Variants in SPAG16 observed in about 807,000 individuals in gnomAD.
The protein encoded by SPAG16 is sperm-associated antigen 16 protein.
A neutral mutation model predicts 80.4 loss-of-function variants in SPAG16; 86 were observed. The ratio of observed to expected loss-of-function variants is 1.07; its 90% CI spans 0.90 to 1.28. The LOEUF is 1.28. Ranked by LOEUF, SPAG16 falls within the 50% of genes most tolerant of loss-of-function variation. The pLI is 0.00. For synonymous variants in SPAG16, 294 were observed against 265.9 expected (o/e 1.11, Z -1.03); for missense variants, 870 against 765.3 (o/e 1.14, Z -1.61).
At chr2:214,383,158 A>G (rs528025989) in intron 15 of SPAG16, among the ~76,000 whole-genome samples, 1 of 152,348 alleles carries the variant, frequency 6.6e-6, no homozygotes, top group South Asian at 2.1e-4. Context: ...TGTTAAGATT[A>G]TCACAAATAA....
intron 12 of SPAG16, among the ~76,000 whole-genome samples, chr2:213,937,365 AG>A (rs929376981): frequency 1.1e-4 from 16 of 152,042 alleles, no homozygotes; most frequent in Admixed American, 9.2e-4. Context: ...TATACTTGAA[AG>A]GGCACCCAAG....
chr2:213,971,669 G>A (rs994352963), intron 12 of SPAG16, among the ~76,000 whole-genome samples: 2 of 152,088 alleles, frequency 1.3e-5, no homozygotes, highest in African/African-American at 4.8e-5. Flanking sequence ...ATATGATCCA[G>A]CAACTCTGCT....
At chr2:214,288,752 C>CTTTATTTATTTAT (rs1553546069) in intron 15 of SPAG16, among the ~76,000 whole-genome samples, 1 of 141,468 alleles carries the variant, frequency 7.1e-6, no homozygotes, top group Admixed American at 7.1e-5. Context: ...CCTTTGCCCA[C>CTTTATTTATTTAT]TTATTTATTT....
intron 11 of SPAG16, among the ~76,000 whole-genome samples, chr2:213,918,971 T>G (rs2078091024): frequency 1.3e-5 from 2 of 152,194 alleles, no homozygotes; most frequent in South Asian, 4.1e-4. Context: ...GTGGGTTCAG[T>G]GGTAATGTCA....
chr2:213,687,981 A>G (rs2064765332), intron 10 of SPAG16, among the ~76,000 whole-genome samples: 1 of 152,202 alleles, frequency 6.6e-6, no homozygotes, highest in South Asian at 2.1e-4. Context: ...AACTGAGGAC[A>G]TGTGCCTAAG....
At chr2:214,108,596 G>A (rs921784326) in intron 14 of SPAG16, among the ~76,000 whole-genome samples, 2 of 151,598 alleles carry the variant, frequency 1.3e-5, no homozygotes, top group African/African-American at 4.9e-5. Context: ...AAAATAGGTG[G>A]GCTATAGACT....
intron 11 of SPAG16, among the ~76,000 whole-genome samples, chr2:213,928,937 AC>A (rs2078623433): frequency 2.2e-5 from 3 of 134,442 alleles, no homozygotes; most frequent in Non-Finnish European, 3.3e-5. Flanking sequence ...ACACACACAC[AC>A]ACACAAAACC....
intron 3 of SPAG16, among the ~76,000 whole-genome samples, chr2:213,301,499 C>A (rs926844035): frequency 6.6e-6 from 1 of 152,126 alleles, no homozygotes; most frequent in Non-Finnish European, 1.5e-5. Flanking sequence ...TTTAGCACTT[C>A]TTTGCAATTC....
chr2:213,525,068 C>T (rs1375022344), intron 10 of SPAG16, among the ~76,000 whole-genome samples: 1 of 152,044 alleles, frequency 6.6e-6, no homozygotes, highest in Non-Finnish European at 1.5e-5. Context: ...ATCATGAGAG[C>T]AGCTACCTCC....
At chr2:213,538,652 CTATCT>C (rs913032110) in intron 10 of SPAG16, among the ~76,000 whole-genome samples, 12 of 152,016 alleles carry the variant, frequency 7.9e-5, no homozygotes, top group African/African-American at 2.7e-4. Context: ...TATTTTCTCC[CTATCT>C]TATCTTTTTT....
At chr2:214,355,616 G>T (rs1233069162) in intron 15 of SPAG16, among the ~76,000 whole-genome samples, 6 of 146,736 alleles carry the variant, frequency 4.1e-5, no homozygotes, top group Non-Finnish European at 7.6e-5. Context: ...TCAGTGTGGC[G>T]ATTCCTCAGG....
intron 14 of SPAG16, among the ~76,000 whole-genome samples, chr2:214,123,692 G>C (rs1370179685): frequency 6.6e-6 from 1 of 151,988 alleles, no homozygotes; most frequent in Non-Finnish European, 1.5e-5. Context: ...ACAGCAATAA[G>C]GTGAGAGTTG....
At chr2:214,205,392 C>T (rs1167743576) in intron 15 of SPAG16, among the ~76,000 whole-genome samples, 1 of 152,032 alleles carries the variant, frequency 6.6e-6, no homozygotes, top group Non-Finnish European at 1.5e-5. Context: ...CTTTTGATGC[C>T]TTGTTGTTTT....
intron 9 of SPAG16, among the ~76,000 whole-genome samples, chr2:213,451,211 G>A (rs2071667941): frequency 6.6e-6 from 1 of 152,040 alleles, no homozygotes; most frequent in Non-Finnish European, 1.5e-5. Flanking sequence ...GGATAGTAAA[G>A]GGGCATTTCA....
At chr2:213,733,977 G>C (rs1269750214) in intron 10 of SPAG16, among the ~76,000 whole-genome samples, 1 of 152,042 alleles carries the variant, frequency 6.6e-6, no homozygotes, top group Non-Finnish European at 1.5e-5. Context: ...AGAAAGAAAG[G>C]AGTCCGTTAC....
chr2:213,653,833 A>G lies in SPAG16; in HGVS notation c.1070+163743A>G, dbSNP rs1295840113. 5.3e-5 allele frequency among the ~76,000 whole-genome samples: 8 copies of G among 152,270 alleles called. No individual in the cohort carries two copies. In the East Asian group the frequency reaches 5.8e-4, roughly 11 times the overall value. On this transcript the variant is annotated intron_variant, in intron 10 of 15. Coordinates refer to ENST00000331683, the MANE Select transcript of SPAG16 (RefSeq NM_024532.5). ...TGCTTTGTATTATTTTACTTGATAT[A>G]TTCTATATATAAAACATACAGTTCA...
intron 1 of SPAG16, among the ~76,000 whole-genome samples, chr2:213,291,950 G>A (rs190172118): frequency 2.6e-5 from 4 of 152,142 alleles, no homozygotes; most frequent in African/African-American, 9.7e-5. Context: ...TGGTAGTTAT[G>A]TACTCTCTTA....
In SPAG16 at chr2:213,814,744, C is replaced by G. The variant is rs555437258; in HGVS notation, c.1071-47741C>G. On this transcript the variant is annotated intron_variant, in intron 10 of 15. Coordinates refer to ENST00000331683, the MANE Select transcript of SPAG16 (RefSeq NM_024532.5). Reference sequence around the variant, plus strand: ...GGCGGAGGTTGCAGTGAGCCGAGATCGCACCACTGCACTCCAGCCTGGTGA... The same window carrying G: ...GGCGGAGGTTGCAGTGAGCCGAGATGGCACCACTGCACTCCAGCCTGGTGA... Among the ~76,000 whole-genome samples, 14 of 152,050 alleles carry G rather than the reference C, an allele frequency of 9.2e-5. No individual in the cohort carries two copies. The South Asian group carries it at 2.9e-3, about 32-fold the overall frequency.
At chr2:213,410,421 C>T (rs796385817) in intron 9 of SPAG16, among the ~76,000 whole-genome samples, 1 of 152,120 alleles carries the variant, frequency 6.6e-6, no homozygotes, top group Non-Finnish European at 1.5e-5. Flanking sequence ...TAAATTGGGA[C>T]CATTTAATCC....
Sources: gnomAD v4.1 joint callset for allele counts (sites outside exome capture counted in the v4.1 genomes callset) on GRCh38, gnomAD v4.1.1 for gene constraint, MANE v1.5 for transcripts, NCBI Gene and HGNC (gene_info 2026-07-23, HGNC 2026-07-21) for gene names.